LDLRAD4: variants seen among roughly 807,000 people sequenced by gnomAD.
LDLRAD4 encodes low-density lipoprotein receptor class A domain-containing protein 4.
Under a neutral mutation model 17.0 loss-of-function variants are expected in LDLRAD4, and 5 were observed. The observed-to-expected ratio is 0.29, with a 90% CI of 0.15 to 0.62. LDLRAD4 has a LOEUF of 0.62. LDLRAD4 is among the 20% of genes least tolerant of loss of function. The pLI is 0.84. For missense variants in LDLRAD4, 340 were observed against 424.7 expected (o/e 0.80, Z 1.75); for synonymous variants, 168 against 171.8 (o/e 0.98, Z 0.17).
At chr18:13,627,753 G>C (rs1387864233) in intron 4 of LDLRAD4, among the ~76,000 whole-genome samples, 7 of 152,178 alleles carry the variant, frequency 4.6e-5, no homozygotes, top group African/African-American at 1.4e-4. Context: ...AAAGCTTATA[G>C]CCAGAGGGAC....
chr18:13,377,245 G>C, intron 1 of LDLRAD4, among the ~76,000 whole-genome samples: 1 of 152,214 alleles, frequency 6.6e-6, no homozygotes, highest in Non-Finnish European at 1.5e-5. Flanking sequence ...CTGTCCTTCA[G>C]ACATCGGCTG....
intron 1 of LDLRAD4, among the ~76,000 whole-genome samples, chr18:13,346,662 A>G (rs962167313): frequency 1.8e-4 from 28 of 152,256 alleles, no homozygotes; most frequent in African/African-American, 6.7e-4. Flanking sequence ...GATCTGTCTA[A>G]TGTTGACAGT....
intron 1 of LDLRAD4, among the ~76,000 whole-genome samples, chr18:13,226,313 G>A (rs1181051675): frequency 6.6e-6 from 1 of 151,010 alleles, no homozygotes; most frequent in East Asian, 1.9e-4. Flanking sequence ...GAGCCCCTGT[G>A]CTTGGCCTGA....
intron 1 of LDLRAD4, among the ~76,000 whole-genome samples, chr18:13,266,717 C>A (rs1390322364): frequency 6.6e-6 from 1 of 152,268 alleles, no homozygotes; most frequent in Admixed American, 6.5e-5. Context: ...GCAAGCCCAG[C>A]ACCGCAGTCC....
At chr18:13,430,048 C>T (rs2090222104) in intron 2 of LDLRAD4, among the ~76,000 whole-genome samples, 1 of 152,144 alleles carries the variant, frequency 6.6e-6, no homozygotes, top group Non-Finnish European at 1.5e-5. Context: ...GTGACGGGCT[C>T]TTGGTGGGTG....
At chr18:13,307,524 C>T (rs1201973665) in intron 1 of LDLRAD4, among the ~76,000 whole-genome samples, 2 of 152,088 alleles carry the variant, frequency 1.3e-5, no homozygotes, top group Non-Finnish European at 2.9e-5. Flanking sequence ...TCAAGTGATC[C>T]TCCCACCTCA....
At chr18:13,585,248 A>C (rs2094918228) in intron 3 of LDLRAD4, 1 of 152,226 alleles carries the variant, frequency 6.6e-6, no homozygotes, top group South Asian at 2.1e-4. Flanking sequence ...GCTCATTTCT[A>C]ATGCATCAGG....
chr18:13,523,399 G>A (rs994812816), intron 3 of LDLRAD4, among the ~76,000 whole-genome samples: 1 of 152,218 alleles, frequency 6.6e-6, no homozygotes, highest in Non-Finnish European at 1.5e-5. Flanking sequence ...TGGGCCACAT[G>A]GCAAGGAAAC....
At chr18:13,257,287 C>G (rs1210873592) in intron 1 of LDLRAD4, among the ~76,000 whole-genome samples, 1 of 152,198 alleles carries the variant, frequency 6.6e-6, no homozygotes, top group Non-Finnish European at 1.5e-5. Context: ...AAATGTTCTT[C>G]CTTTTAATGA....
intron 1 of LDLRAD4, among the ~76,000 whole-genome samples, chr18:13,306,212 T>C (rs538537594): frequency 1.3e-5 from 2 of 152,374 alleles, no homozygotes; most frequent in East Asian, 1.9e-4. Flanking sequence ...CTAACTCTTA[T>C]CATTTTGTGC....
chr18:13,476,623 CAAA>C (rs11388844), intron 3 of LDLRAD4, among the ~76,000 whole-genome samples: 1 of 146,256 alleles, frequency 6.8e-6, no homozygotes, highest in Non-Finnish European at 1.5e-5. Context: ...GAACCTGTCT[CAAA>C]AAAAAAAAAA....
At chr18:13,417,958 C>T (rs1158448173) in intron 2 of LDLRAD4, among the ~76,000 whole-genome samples, 1 of 152,180 alleles carries the variant, frequency 6.6e-6, no homozygotes, top group Admixed American at 6.5e-5. Flanking sequence ...TTGGTAGACA[C>T]CACTTATCCA....
intron 1 of LDLRAD4, among the ~76,000 whole-genome samples, chr18:13,317,687 G>A (rs2081004164): frequency 1.3e-5 from 2 of 152,172 alleles, no homozygotes; most frequent in South Asian, 2.1e-4. Flanking sequence ...GACAGTATGT[G>A]CACTGTGATC....
intron 3 of LDLRAD4, among the ~76,000 whole-genome samples, chr18:13,532,256 G>A (rs1359624053): frequency 6.6e-6 from 1 of 152,228 alleles, no homozygotes; most frequent in Non-Finnish European, 1.5e-5. Context: ...GGGCAGCGAA[G>A]CAGCCGACTT....
At chr18:13,374,255 C>A (rs183517958) in intron 1 of LDLRAD4, among the ~76,000 whole-genome samples, 2 of 152,092 alleles carry the variant, frequency 1.3e-5, no homozygotes, top group African/African-American at 4.8e-5. Flanking sequence ...CTATGGAGGC[C>A]GGAGCCCTCT....
chr18:13,311,998 T>A (rs1328567465), intron 1 of LDLRAD4, among the ~76,000 whole-genome samples: 2 of 151,890 alleles, frequency 1.3e-5, no homozygotes, highest in African/African-American at 2.4e-5. Context: ...CACCCGGCTA[T>A]TTTTTCTTTT....
intron 3 of LDLRAD4, among the ~76,000 whole-genome samples, chr18:13,577,419 G>A (rs2094790824): frequency 6.6e-6 from 1 of 152,134 alleles, no homozygotes; most frequent in Admixed American, 6.5e-5. Context: ...TGGGGAACAT[G>A]CCTTTGCTCA....
At chr18:13,566,664 A>G (rs1215133867) in intron 3 of LDLRAD4, among the ~76,000 whole-genome samples, 1 of 152,120 alleles carries the variant, frequency 6.6e-6, no homozygotes, top group Non-Finnish European at 1.5e-5. Flanking sequence ...CCCAGCCAAG[A>G]GTATGCCTTA....
intron 3 of LDLRAD4, among the ~76,000 whole-genome samples, chr18:13,460,347 C>T (rs2092370242): frequency 6.6e-6 from 1 of 152,272 alleles, no homozygotes; most frequent in Middle Eastern, 3.4e-3. Flanking sequence ...CACACGCCAC[C>T]ATGCCTGGCT....
Sources: gnomAD v4.1 joint callset for allele counts (sites outside exome capture counted in the v4.1 genomes callset) on GRCh38, gnomAD v4.1.1 for gene constraint, MANE v1.5 for transcripts, NCBI Gene and HGNC (gene_info 2026-07-23, HGNC 2026-07-21) for gene names.